The following EML3 variants were observed in gnomAD, a reference collection of about 807,000 sequenced individuals.
The protein encoded by EML3 is echinoderm microtubule-associated protein-like 3.
EML3 carries 53 observed loss-of-function variants against 106.7 expected under a neutral mutation model. The ratio of observed to expected loss-of-function variants is 0.50; its 90% CI spans 0.40 to 0.62. EML3 has a LOEUF of 0.62. Ranked by LOEUF, EML3 falls within the 20% of genes least tolerant of loss-of-function variation. EML3 has a pLI of 0.00. For missense variants in EML3, 994 were observed against 1,209.1 expected, an observed-to-expected ratio of 0.82 and a Z score of 2.64; for synonymous variants, 499 against 489.6, an observed-to-expected ratio of 1.02 and a Z score of -0.25.
Position 62,606,110 on chromosome 11 carries a change from G to A in EML3, c.1609C>T (p.Arg537Trp), listed in dbSNP as rs1463031634. The change falls in exon 13 of 22, where the codon CGG (arginine) becomes TGG (tryptophan). Residue 537 changes from arginine (R) to tryptophan (W), a missense_variant. Arg to Trp is a moderately radical substitution (Grantham distance 101). This residue lies in a region of EML3 where 713 missense variants were observed against 920.5 expected (regional missense o/e 0.77). Transcript: ENST00000394773. ...AACCCGGGCCCCCACTGTACCAGCC[G>A]GCGGTCCCGCCCGCCACCACTCAGC... is the stretch of plus-strand genomic sequence containing the variant. ...TVLSGGGRDRRLVQWGPGLVA... is the reference protein window; with the variant it reads ...TVLSGGGRDRWLVQWGPGLVA... 12 of 1,614,022 alleles carry A rather than the reference G, an allele frequency of 7.4e-6. No homozygotes were observed. Among genetic ancestry groups the A allele is most frequent in the Admixed American group, 1.7e-5 (1 of 60,032 alleles).
In EML3 at chr11:62,602,492, A is replaced by T. The variant is rs1216902108; in HGVS notation, c.2674T>A (p.Ser892Thr). 1.3e-6 allele frequency: 2 copies of T among 1,530,828 alleles called. No individual in the cohort carries two copies. The highest frequency in any genetic ancestry group is 2.8e-5 in the African/African-American group (2 of 71,754). 94.8% of individuals were successfully genotyped at this position (1,530,828 alleles called of 1,614,324 possible). A position where few individuals can be genotyped will look rare whatever the true frequency, so the allele number is the denominator to read the frequency against. The change falls in exon 22 of 22, where the codon TCC becomes ACC. Residue 892 changes from serine (S) to threonine (T), a missense_variant. Physicochemically the swap from Ser to Thr is moderately conservative, Grantham distance 58. Transcript: ENST00000394773. Reference protein sequence around the residue: ...PSRTPSLSPASSLDV With the variant: ...PSRTPSLSPATSLDV Reference sequence around the variant, plus strand: ...GGCAGCGATCAAACGTCGAGGGAGGAGGCGGGGGACAGGGAGGGGGTTCGA... The same window carrying T: ...GGCAGCGATCAAACGTCGAGGGAGGTGGCGGGGGACAGGGAGGGGGTTCGA...
rs1266479912 is a variant in EML3 at position 62,607,040 on chromosome 11, G to A, written c.1422C>T (p.Leu474=). Residue 474 remains leucine (L), a synonymous_variant, in exon 12 of 22, where the codon CTC becomes CTT. Transcript: ENST00000394773. Reference sequence around the variant, plus strand: ...GAATGTTCCCCTCTGAGTCTCCAGTGAGAATGTCTCCATCCGGAAGGAACA... The same window carrying A: ...GAATGTTCCCCTCTGAGTCTCCAGTAAGAATGTCTCCATCCGGAAGGAACA... ...CFVFLPDGDI[L]TGDSEGNILT... is the part of the protein sequence containing the mutation. The A allele has an allele frequency of 6.2e-7, 1 of 1,614,154 alleles. No individual in the cohort carries two copies. Among genetic ancestry groups the A allele is most frequent in the East Asian group, 2.2e-5 (1 of 44,874 alleles).
At position 62,612,529 on chromosome 11, in the gene EML3, A is replaced by C; in HGVS notation, c.-72T>G. 7.6e-7 allele frequency: 1 copy of C among 1,310,006 alleles called. No homozygotes were observed. Among genetic ancestry groups the C allele is most frequent in the Non-Finnish European group, 9.7e-7 (1 of 1,028,398 alleles). 81.1% of individuals were successfully genotyped at this position (1,310,006 alleles called of 1,614,324 possible). On this transcript the variant is annotated 5_prime_UTR_variant, in exon 1 of 22. Transcript: ENST00000394773. ...AGCCGCGGGGGCCACGGCCGGGGAG[A>C]GGGGAAGGGGAAGCACCCCGGGGCG... is the stretch of plus-strand genomic sequence containing the variant.
intron 4 of EML3, among the ~76,000 whole-genome samples, chr11:62,610,398 T>A (rs977612028): frequency 9.9e-5 from 15 of 152,208 alleles, no homozygotes; most frequent in Admixed American, 9.2e-4. Flanking sequence ...CCTCTAGAAG[T>A]AAGTATTAAT....
At chr11:62,606,535 A>G (rs1264620284) in intron 12 of EML3, 1 of 390,228 alleles carries the variant, frequency 2.6e-6, no homozygotes, top group East Asian at 4.8e-5. Flanking sequence ...CTAGCCCCCA[A>G]GAGAACTATC....
At chr11:62,604,995 G>A (rs760096993) in intron 16 of EML3, 118 bp downstream of exon 16, 23 of 958,704 alleles carry the variant, frequency 2.4e-5, no homozygotes, top group Non-Finnish European at 3.2e-5. Flanking sequence ...GCACAGAGGA[G>A]TGCCAAGGCG....
chr11:62,609,378 G>A lies in EML3; in HGVS notation c.734C>T (p.Pro245Leu), dbSNP rs1010682693. 1 of 1,591,934 alleles carries A rather than the reference G, an allele frequency of 6.3e-7. No homozygotes were observed. The highest frequency in any genetic ancestry group is 8.6e-7 in the Non-Finnish European group (1 of 1,168,636). Residue 245 changes from proline (P) to leucine (L), a missense_variant, in exon 6 of 22, where the codon CCA becomes CTA. Coordinates refer to ENST00000394773, the MANE Select transcript of EML3 (RefSeq NM_153265.3). ...CACCCAGTCAAGGCTGAGGGTCTCTGGCGGTGGGCCACTCGGCAGCTCCTC... is the reference window on the plus strand; with the variant it reads ...CACCCAGTCAAGGCTGAGGGTCTCTAGCGGTGGGCCACTCGGCAGCTCCTC... Reference protein sequence around the residue: ...SLEELPSGPPPETLSLDWVYG... With the variant: ...SLEELPSGPPLETLSLDWVYG...
At chr11:62,604,503 G>A (rs559164098) in intron 16 of EML3, among the ~76,000 whole-genome samples, 7 of 152,196 alleles carry the variant, frequency 4.6e-5, no homozygotes, top group African/African-American at 1.4e-4. Context: ...TCAGCCTCCT[G>A]AGTAGCTAGA....
rs182523349 is a variant in EML3, at chr11:62,608,508, G to A, written c.1110+34C>T. On this transcript the variant is annotated intron_variant, in intron 9 of 21. Transcript: ENST00000394773. Reference sequence around the variant, plus strand: ...ATGCAAGAGTGGGGTTCCTAGGCAAGAATGGGGGTCTAGAGGCTTCAGGGC... The same window carrying A: ...ATGCAAGAGTGGGGTTCCTAGGCAAAAATGGGGGTCTAGAGGCTTCAGGGC... 5.0e-3 allele frequency: 8,015 copies of A among 1,595,188 alleles called. 56 individuals carry two copies. The highest frequency in any genetic ancestry group is 0.033 in the Middle Eastern group (169 of 5,194).
chr11:62,603,100 C>A (rs777817569), intron 20 of EML3, 49 bp downstream of exon 20: 2 of 1,604,860 alleles, frequency 1.2e-6, no homozygotes, highest in South Asian at 1.1e-5. Context: ...CCAAACTGGG[C>A]TCCACCTTGT....
intron 11 of EML3, 136 bp from the exon 12 acceptor site, chr11:62,607,235 GC>G: frequency 9.2e-7 from 1 of 1,083,272 alleles, no homozygotes; most frequent in Non-Finnish European, 1.3e-6. Context: ...GTCACCTGAG[GC>G]CAGGAGTTTG....
At chr11:62,607,973 T>G (rs1360967196) in intron 10 of EML3, 152 bp from the exon 11 acceptor site, 1 of 916,394 alleles carries the variant, frequency 1.1e-6, no homozygotes, top group East Asian at 2.5e-5. Flanking sequence ...CTAAGAGCAC[T>G]ATTTCCTGTC....
At chr11:62,611,743 G>A in intron 1 of EML3, 147 bp from the exon 2 acceptor site, 1 of 921,904 alleles carries the variant, frequency 1.1e-6, no homozygotes, top group Non-Finnish European at 1.6e-6. Flanking sequence ...CAGAGGGGAG[G>A]AGACGGTGGT....
rs759806757 is a variant in EML3 at position 62,604,032 on chromosome 11, T to G, written c.2081A>C (p.Tyr694Ser). 1.9e-6 allele frequency: 3 copies of G among 1,614,062 alleles called. No homozygotes were observed. Among genetic ancestry groups the G allele is most frequent in the Admixed American group, 1.7e-5 (1 of 60,022 alleles). ...SVVRYSPDGL[Y>S]LAIGSHDNVI... The stretch of plus-strand genomic sequence containing the variant: ...GTTGTCATGGGAACCAATGGCCAGG[T>G]ACAACCCATCTGCAAATACAGTCAC... The change falls in exon 18 of 22, where the codon TAC becomes TCC. Residue 694 changes from tyrosine to serine, a missense_variant. This residue lies in a region of EML3 where 713 missense variants were observed against 920.5 expected (regional missense o/e 0.77). Transcript: ENST00000394773.
intron 10 of EML3, 150 bp downstream of exon 10, chr11:62,608,051 G>T (rs1942621975): frequency 2.3e-6 from 2 of 863,332 alleles, no homozygotes; most frequent in South Asian, 1.6e-5. Context: ...TGTCACAAAT[G>T]AAGAAACTAA....
chr11:62,608,512 G>A (rs367615193), intron 9 of EML3, 30 bp downstream of exon 9: 10 of 1,595,428 alleles, frequency 6.3e-6, no homozygotes, highest in Admixed American at 3.3e-5. Flanking sequence ...AGGCAAGAAT[G>A]GGGGTCTAGA....
intron 8 of EML3, 26 bp from the exon 9 acceptor site, chr11:62,608,678 G>GA (rs758534183): frequency 6.2e-7 from 1 of 1,614,130 alleles, no homozygotes; most frequent in South Asian, 1.1e-5. Context: ...TCACAAGTGT[G>GA]AAGCAAAATT....
chr11:62,607,681 T>C lies in EML3; in HGVS notation c.1347A>G (p.Lys449=). Residue 449 remains lysine (K), a synonymous_variant, in exon 11 of 22, where the codon AAA becomes AAG. Coordinates refer to ENST00000394773, the MANE Select transcript of EML3 (RefSeq NM_153265.3). The stretch of plus-strand genomic sequence containing the variant: ...CATGCCTCACCCCAAAGACACCCTG[T>C]TTCCGGGTAAGGGTCCCATTCCCAG... ...GVPGNGTLTR[K]QGVFGKYKKP... is the part of the protein sequence containing the mutation. The C allele has an allele frequency of 6.2e-7, 1 of 1,613,648 alleles. No individual in the cohort carries two copies. The highest frequency in any genetic ancestry group is 8.5e-7 in the Non-Finnish European group (1 of 1,179,832).
chr11:62,610,508 CAGA>C (rs1478021673), intron 4 of EML3, among the ~76,000 whole-genome samples: 2 of 152,108 alleles, frequency 1.3e-5, no homozygotes, highest in Admixed American at 6.5e-5. Flanking sequence ...CTTGGGATCG[CAGA>C]AGGTGTGCTG....
Sources: allele counts gnomAD v4.1 joint callset (sites outside exome capture counted in the v4.1 genomes callset), GRCh38; gene constraint gnomAD v4.1.1; regional missense constraint gnomAD v4.1.1; transcripts MANE v1.5; gene names NCBI Gene and HGNC (gene_info 2026-07-23, HGNC 2026-07-21).